MFSD1: variants seen among roughly 807,000 people sequenced by gnomAD.
MFSD1 encodes lysosomal dipeptide transporter MFSD1.
MFSD1 carries 59 observed loss-of-function variants against 67.1 expected under a neutral mutation model. The ratio of observed to expected loss-of-function variants is 0.88; its 90% confidence interval spans 0.71 to 1.09. The LOEUF is 1.09. Ranked by LOEUF, MFSD1 falls within the 50% of genes least tolerant of loss-of-function variation. The probability of loss-of-function intolerance (pLI) is 0.00; values close to 1 mark genes in which losing one functional copy is unlikely to be tolerated. For synonymous variants in MFSD1, 213 were observed against 200.3 expected, an observed-to-expected ratio of 1.06 and a Z score of -0.54; for missense variants, 552 against 566.1, an observed-to-expected ratio of 0.97 and a Z score of 0.25.
At chr3:158,818,174 A>T (rs77527024) in intron 7 of MFSD1, among the ~76,000 whole-genome samples, 2 of 152,148 alleles carry the variant, frequency 1.3e-5, no homozygotes, top group Non-Finnish European at 2.9e-5. Context: ...ATAGGGTGAA[A>T]GTTCTGTGCC....
At chr3:158,828,836 G>C (rs1731141891) in intron 15 of MFSD1, 143 bp from the exon 16 acceptor site, 1 of 610,146 alleles carries the variant, frequency 1.6e-6, no homozygotes, top group Non-Finnish European at 2.6e-6. Context: ...ATCAAGAAGA[G>C]TTAAAAAATT....
At position 158,827,431 on chromosome 3, in the gene MFSD1, T is replaced by G. The variant is rs567725673; in HGVS notation, c.1394+94T>G. 1.9e-3 allele frequency: 1,350 copies of G among 700,358 alleles called. 16 individuals carry two copies. The African/African-American group carries it at 0.023, about 12-fold the overall frequency. The allele number at this position is 700,358 out of a possible 1,614,324, so 43.4% of individuals were successfully genotyped here. On this transcript the variant is annotated intron_variant, in intron 15 of 15. Transcript: ENST00000415822. ...GTTTGGGCTTTGAAGTTTTTTTTTT[T>G]TTTTTTGATTCCCATGCTTGTCGTC...
chr3:158,803,856 A>G (rs1729579295), intron 1 of MFSD1, among the ~76,000 whole-genome samples: 1 of 152,024 alleles, frequency 6.6e-6, no homozygotes, highest in Non-Finnish European at 1.5e-5. Context: ...GGTAGTTTGT[A>G]GAATTAGAGA....
intron 6 of MFSD1, among the ~76,000 whole-genome samples, chr3:158,813,763 G>T: frequency 7.9e-6 from 1 of 127,252 alleles, no homozygotes. Context: ...TAATAAATTG[G>T]CTTTTTTTTT....
chr3:158,803,026 T>C (rs1729537961), intron 1 of MFSD1, among the ~76,000 whole-genome samples: 1 of 152,228 alleles, frequency 6.6e-6, no homozygotes, highest in South Asian at 2.1e-4. Flanking sequence ...GATATTGTTC[T>C]CTTAATCTTC....
chr3:158,826,335 T>A (rs1234568475), intron 14 of MFSD1, among the ~76,000 whole-genome samples: 1 of 152,108 alleles, frequency 6.6e-6, no homozygotes, highest in Admixed American at 6.5e-5. Context: ...TAAAGAAATA[T>A]AGCATTTAAA....
chr3:158,808,050 C>T (rs191903563), intron 5 of MFSD1, among the ~76,000 whole-genome samples: 14 of 152,306 alleles, frequency 9.2e-5, no homozygotes, highest in Admixed American at 1.3e-4. Flanking sequence ...TCAAGCTTTG[C>T]ACAGGTGTCA....
At chr3:158,802,457 T>G in intron 1 of MFSD1, 142 bp downstream of exon 1, 2 of 976,006 alleles carry the variant, frequency 2.0e-6, no homozygotes, top group Non-Finnish European at 3.2e-6. Context: ...TATTTTCCCC[T>G]TTGCGATCGA....
intron 12 of MFSD1, 115 bp downstream of exon 12, chr3:158,823,640 C>G: frequency 1.2e-6 from 1 of 814,808 alleles, no homozygotes; most frequent in Non-Finnish European, 2.1e-6. Flanking sequence ...TAGCGCTGAA[C>G]CTGGAGATAA....
In MFSD1 at chr3:158,823,533, T is replaced by G. The variant is rs767003324; in HGVS notation, c.1175+8T>G. ...GGGAACTGCATATGGCTTGTAAGTA[T>G]TTACGCTGTGGATCGTATATGTCTG... is the stretch of plus-strand genomic sequence containing the variant. On this transcript the variant is annotated splice_region_variant and intron_variant, in intron 12 of 15. Coordinates refer to ENST00000415822, the MANE Select transcript of MFSD1 (RefSeq NM_022736.4). 6.4e-7 allele frequency: 1 copy of G among 1,568,822 alleles called. No homozygotes were observed. The highest frequency in any genetic ancestry group is 1.1e-5 in the South Asian group (1 of 90,144).
chr3:158,827,856 A>T (rs946576025), intron 15 of MFSD1, among the ~76,000 whole-genome samples: 6 of 151,744 alleles, frequency 4.0e-5, no homozygotes, highest in African/African-American at 1.5e-4. Flanking sequence ...AAGAAAAAAA[A>T]TAATTCAATT....
intron 7 of MFSD1, among the ~76,000 whole-genome samples, chr3:158,818,534 A>T (rs1376102967): frequency 6.6e-6 from 1 of 152,150 alleles, no homozygotes; most frequent in Non-Finnish European, 1.5e-5. Context: ...GTCTCTAATT[A>T]AACCACTGAT....
rs1730703352 is a variant in MFSD1 at position 158,822,018 on chromosome 3, G to A, written c.955G>A (p.Val319Met). 2 of 1,613,726 alleles carry A rather than the reference G, an allele frequency of 1.2e-6. No individual in the cohort carries two copies. Among genetic ancestry groups the A allele is most frequent in the Admixed American group, 1.7e-5 (1 of 59,954 alleles). Residue 319 changes from valine to methionine, a missense_variant, in exon 11 of 16, where the codon GTG becomes ATG. Transcript: ENST00000415822. ...VYVISAPMSP[V>M]FGLLVDKTGK... ...TGTCATATCAGCTCCCATGTCCCCG[G>A]TGTTTGGGCTCCTGGTGGATAAAAC...
intron 6 of MFSD1, among the ~76,000 whole-genome samples, chr3:158,810,330 A>T (rs1729938894): frequency 6.6e-6 from 1 of 152,128 alleles, no homozygotes; most frequent in Admixed American, 6.5e-5. Context: ...TTTTTTTGCC[A>T]CTAAAAATCA....
chr3:158,819,705 C>T lies in MFSD1; in HGVS notation c.709C>T (p.Gln237Ter), dbSNP rs1730575139. Residue 237 changes from glutamine to a stop codon, truncating the protein, a stop_gained, in exon 8 of 16, where the codon CAG becomes TAG. Coordinates refer to ENST00000415822, the MANE Select transcript of MFSD1 (RefSeq NM_022736.4). LOFTEE classifies it high-confidence loss of function. ...TGCCTTGGCTCTTGCCTACTTGGATCAGAGAGCAGAGAGAATCCTTCATAA... is the reference window on the plus strand; with the variant it reads ...TGCCTTGGCTCTTGCCTACTTGGATTAGAGAGCAGAGAGAATCCTTCATAA... ...ICALALAYLD[Q>*]RAERILHKEQ... is the part of the protein sequence containing the mutation. 1 of 1,608,708 alleles carries T rather than the reference C, an allele frequency of 6.2e-7. No homozygotes were observed. The highest frequency in any genetic ancestry group is 1.3e-5 in the African/African-American group (1 of 74,506).
At chr3:158,809,153 G>GTTTTTTTTTTTTTTTTTTTT in intron 5 of MFSD1, 26 bp from the exon 6 acceptor site, 3 of 1,205,254 alleles carry the variant, frequency 2.5e-6, no homozygotes, top group Non-Finnish European at 2.3e-6. Context: ...GTGACTTCTG[G>GTTTTTTTTTTTTTTTTTTTT]TTTTTTTTTT....
chr3:158,824,969 G>A (rs910319281), intron 13 of MFSD1, among the ~76,000 whole-genome samples: 15 of 152,078 alleles, frequency 9.9e-5, no homozygotes, highest in African/African-American at 2.2e-4. Flanking sequence ...AAACAAGGAC[G>A]TCAAGTTTTA....
In MFSD1 at chr3:158,814,111, T is replaced by G. The variant is rs1054702464; in HGVS notation, c.652+44T>G. 25 of 1,466,902 alleles carry G rather than the reference T, an allele frequency of 1.7e-5. No homozygotes were observed. In the Admixed American group the frequency reaches 3.9e-4, roughly 23 times the overall value. The allele number at this position is 1,466,902 out of a possible 1,614,324, so 90.9% of individuals were successfully genotyped here. Reference sequence around the variant, plus strand: ...CCACATCTCTCCTCTTCTGAAGGCTTGTCATAGGAAGTATCATAGCAGGGA... The same window carrying G: ...CCACATCTCTCCTCTTCTGAAGGCTGGTCATAGGAAGTATCATAGCAGGGA... On this transcript the variant is annotated intron_variant, in intron 7 of 15. Coordinates refer to ENST00000415822, the MANE Select transcript of MFSD1 (RefSeq NM_022736.4).
intron 15 of MFSD1, among the ~76,000 whole-genome samples, chr3:158,828,206 G>A (rs1576919721): frequency 6.6e-6 from 1 of 152,274 alleles, no homozygotes; most frequent in Middle Eastern, 3.4e-3. Flanking sequence ...TTTTCTAAAA[G>A]TATGTACTGA....
Sources: gnomAD v4.1 joint callset for allele counts (sites outside exome capture counted in the v4.1 genomes callset) on GRCh38, gnomAD v4.1.1 for gene constraint, MANE v1.5 for transcripts, NCBI Gene and HGNC (gene_info 2026-07-23, HGNC 2026-07-21) for gene names.